TRAK1: variants seen among roughly 807,000 people sequenced by gnomAD.
The protein encoded by TRAK1 is trafficking kinesin protein 1, also known as trafficking kinesin-binding protein 1.
A neutral mutation model predicts 92.1 loss-of-function variants in TRAK1; 33 were observed. The observed-to-expected ratio is 0.36, with a 90% confidence interval of 0.27 to 0.48. TRAK1 has a LOEUF of 0.48. Ranked by LOEUF, TRAK1 falls within the 20% of genes least tolerant of loss-of-function variation. TRAK1 has a pLI of 0.99. For missense variants in TRAK1, 1,123 were observed against 1,257.9 expected (o/e 0.89, Z 1.62); for synonymous variants, 521 against 517.3 (o/e 1.01, Z -0.10).
At chr3:42,150,176 G>T (rs112426279) in intron 2 of TRAK1, among the ~76,000 whole-genome samples, 15 of 152,172 alleles carry the variant, frequency 9.9e-5, no homozygotes, top group African/African-American at 3.4e-4. Context: ...GGGGTGGGGA[G>T]GTGATGGGAG....
rs1198067509 is a variant in TRAK1, at chr3:42,189,013, C to T, written c.582-3C>T. On this transcript the variant is annotated splice_region_variant and splice_polypyrimidine_tract_variant and intron_variant, in intron 5 of 15. Coordinates refer to ENST00000327628, the MANE Select transcript of TRAK1 (RefSeq NM_001042646.3). ...TAGGTTGTGAGCGTACTTTCTCCCC[C>T]AGGTTGAAGAGGAATGAGTCGTCCT... 6.2e-7 allele frequency: 1 copy of T among 1,607,626 alleles called. No homozygotes were observed. Among genetic ancestry groups the T allele is most frequent in the Non-Finnish European group, 8.5e-7 (1 of 1,174,146 alleles).
At chr3:42,170,432 G>A (rs1320555230) in intron 2 of TRAK1, among the ~76,000 whole-genome samples, 1 of 152,116 alleles carries the variant, frequency 6.6e-6, no homozygotes, top group East Asian at 1.9e-4. Context: ...GGGGCATCAG[G>A]TGCCAAATGT....
intron 2 of TRAK1, among the ~76,000 whole-genome samples, chr3:42,144,685 T>A (rs191615977): frequency 1.3e-3 from 139 of 110,916 alleles, no homozygotes; most frequent in Middle Eastern, 5.1e-3. Flanking sequence ...CCTTGTATAT[T>A]TTTTTTTAAC....
At chr3:42,029,975 AG>A (rs1305118802) in intron 1 of TRAK1, among the ~76,000 whole-genome samples, 6 of 152,134 alleles carry the variant, frequency 3.9e-5, no homozygotes, top group Admixed American at 2.0e-4. Context: ...GAGTGGTAGA[AG>A]GTGGCATTTC....
chr3:42,203,059 G>A (rs575450287), intron 13 of TRAK1: 52 of 1,238,918 alleles, frequency 4.2e-5, no homozygotes, highest in Admixed American at 8.1e-5. Context: ...AAAAACTTTT[G>A]TGGCGGTAGA....
intron 1 of TRAK1, among the ~76,000 whole-genome samples, chr3:42,101,580 A>G (rs1016309821): frequency 6.6e-5 from 10 of 152,200 alleles, no homozygotes; most frequent in Admixed American, 2.6e-4. Context: ...AAAGGGCCAG[A>G]GAGTAAATCT....
chr3:42,205,478 C>G (rs1708226134), intron 13 of TRAK1, among the ~76,000 whole-genome samples: 1 of 152,204 alleles, frequency 6.6e-6, no homozygotes, highest in South Asian at 2.1e-4. Flanking sequence ...TTTAAGAGTG[C>G]TAGCACTTTC....
At chr3:42,221,175 C>G (rs1468482064) in intron 15 of TRAK1, among the ~76,000 whole-genome samples, 1 of 151,166 alleles carries the variant, frequency 6.6e-6, no homozygotes, top group Non-Finnish European at 1.5e-5. Flanking sequence ...CAAAATCTCC[C>G]TAGGGATGGC....
chr3:42,107,482 A>G (rs1214939856), intron 1 of TRAK1, among the ~76,000 whole-genome samples: 2 of 151,848 alleles, frequency 1.3e-5, no homozygotes, highest in African/African-American at 2.4e-5. Context: ...ACTGCACTCC[A>G]GCCTGGTGAC....
intron 8 of TRAK1, 32 bp from the exon 9 acceptor site, chr3:42,193,791 CT>C (rs764678414): frequency 2.4e-6 from 3 of 1,241,400 alleles, no homozygotes; most frequent in East Asian, 4.7e-5. Context: ...TACCAAGTAT[CT>C]TAGGAAGTGA....
At chr3:42,042,940 T>C (rs942486821) in intron 1 of TRAK1, among the ~76,000 whole-genome samples, 2 of 152,098 alleles carry the variant, frequency 1.3e-5, no homozygotes, top group African/African-American at 4.8e-5. Context: ...ACTTATCTCC[T>C]CATCTCGTCT....
At chr3:42,033,651 T>A (rs1444405161) in intron 1 of TRAK1, among the ~76,000 whole-genome samples, 1 of 152,174 alleles carries the variant, frequency 6.6e-6, no homozygotes, top group Non-Finnish European at 1.5e-5. Context: ...GCCACAGTTT[T>A]TTCATCTAGA....
chr3:42,111,880 A>T (rs942837692), intron 1 of TRAK1, among the ~76,000 whole-genome samples: 1 of 149,980 alleles, frequency 6.7e-6, no homozygotes. Context: ...AAATTTGCCA[A>T]CACTTGTTTT....
chr3:42,184,676 C>CT lies in TRAK1; in HGVS notation c.364-5dup, dbSNP rs1470851723. 6.2e-6 allele frequency: 10 copies of CT among 1,612,972 alleles called. No homozygotes were observed. The highest frequency in any genetic ancestry group is 2.7e-5 in the African/African-American group (2 of 74,894). On this transcript the variant is annotated splice_polypyrimidine_tract_variant and intron_variant, in intron 3 of 15. Coordinates refer to ENST00000327628, the MANE Select transcript of TRAK1 (RefSeq NM_001042646.3). Reference sequence around the variant, plus strand: ...TTTGAATCTCTGTTCTCCCTCTTTCCTTTTGTAGAAAGAGCGGGATTTAGA... The same window carrying CT: ...TTTGAATCTCTGTTCTCCCTCTTTCCTTTTTGTAGAAAGAGCGGGATTTAGA...
At chr3:42,132,374 C>T (rs1697326940) in intron 2 of TRAK1, among the ~76,000 whole-genome samples, 1 of 151,546 alleles carries the variant, frequency 6.6e-6, no homozygotes, top group African/African-American at 2.4e-5. Context: ...AGCCATCCTC[C>T]CACCTCAGCC....
chr3:42,193,725 A>G (rs1706164642), intron 8 of TRAK1, 99 bp from the exon 9 acceptor site: 3 of 1,215,486 alleles, frequency 2.5e-6, no homozygotes, highest in Admixed American at 1.7e-5. Flanking sequence ...ATGTCCTTGT[A>G]GAAAGTGATG....
intron 2 of TRAK1, among the ~76,000 whole-genome samples, chr3:42,160,908 T>C (rs181018149): frequency 1.3e-5 from 2 of 152,348 alleles, no homozygotes; most frequent in Admixed American, 1.3e-4. Flanking sequence ...GCATTCTGTT[T>C]TAAGAGATTC....
intron 1 of TRAK1, among the ~76,000 whole-genome samples, chr3:42,035,169 T>C (rs1398421522): frequency 6.6e-6 from 1 of 152,232 alleles, no homozygotes; most frequent in Non-Finnish European, 1.5e-5. Context: ...TTTGACATCA[T>C]GGTCTATAAT....
chr3:42,160,826 T>C (rs1301107425), intron 2 of TRAK1, among the ~76,000 whole-genome samples: 1 of 152,200 alleles, frequency 6.6e-6, no homozygotes, highest in Non-Finnish European at 1.5e-5. Context: ...CTTTTGTTGC[T>C]TAACTGAGGT....
Sources: allele counts gnomAD v4.1 joint callset (sites outside exome capture counted in the v4.1 genomes callset), GRCh38; gene constraint gnomAD v4.1.1; transcripts MANE v1.5; gene names NCBI Gene and HGNC (gene_info 2026-07-23, HGNC 2026-07-21).